The following IL21 variants were observed in gnomAD, a reference collection of about 807,000 sequenced individuals.
The protein encoded by IL21 is interleukin-21.
IL21 carries 3 observed loss-of-function variants against 18.4 expected under a neutral mutation model. The ratio of observed to expected loss-of-function variants is 0.16; its 90% confidence interval spans 0.07 to 0.42. IL21 has a LOEUF of 0.42. IL21 is among the 10% of genes least tolerant of loss of function. The pLI, the probability that IL21 is intolerant of heterozygous loss-of-function variation, is 0.99. For missense variants in IL21, 130 were observed against 188.4 expected (o/e 0.69, Z 1.81); for synonymous variants, 37 against 62.0 (o/e 0.60, Z 1.90).
intron 3 of IL21, among the ~76,000 whole-genome samples, chr4:122,613,900 C>T (rs1053871134): frequency 6.6e-6 from 1 of 152,106 alleles, no homozygotes; most frequent in Non-Finnish European, 1.5e-5. Context: ...TTTTAACTCG[C>T]ATTTATGTGA....
intron 3 of IL21, among the ~76,000 whole-genome samples, chr4:122,614,132 G>A (rs1414372147): frequency 6.6e-6 from 1 of 152,068 alleles, no homozygotes; most frequent in Non-Finnish European, 1.5e-5. Flanking sequence ...ACTATTTATG[G>A]AACTTGGGGC....
Position 122,612,787 on chromosome 4 carries a change from C to T in IL21, c.439-27G>A, listed in dbSNP as rs184476156. On this transcript the variant is annotated intron_variant, in intron 4 of 4. Coordinates refer to ENST00000648588, the MANE Select transcript of IL21 (RefSeq NM_021803.4). ...TGTGGAAATAGTATACCGTGAGTAA[C>T]TAAGAAGCAAATCTGGATAGGTAAA... The T allele has an allele frequency of 1.0e-4, 161 of 1,613,358 alleles. 1 individual carries two copies. The African/African-American group carries it at 1.8e-3, about 18-fold the overall frequency.
At chr4:122,612,783 G>A (rs1198179484) in intron 4 of IL21, 23 bp from the exon 5 acceptor site, 1 of 1,613,408 alleles carries the variant, frequency 6.2e-7, no homozygotes, top group South Asian at 1.1e-5. Context: ...TATACCGTGA[G>A]TAACTAAGAA....
intron 2 of IL21, chr4:122,619,927 T>C (rs1799399777): frequency 6.6e-6 from 1 of 152,216 alleles, no homozygotes; most frequent in Non-Finnish European, 1.5e-5. Context: ...TAAAGGTCTG[T>C]GACAATGAAA....
At chr4:122,620,809 T>C in intron 1 of IL21, 35 bp downstream of exon 1, 3 of 1,611,836 alleles carry the variant, frequency 1.9e-6, no homozygotes, top group Non-Finnish European at 2.5e-6. Context: ...TTGAAAAGTA[T>C]GATTTAGATT....
rs1444700743 is a variant in IL21 at position 122,615,731 on chromosome 4, T to C, written c.311A>G (p.Lys104Arg). The stretch of plus-strand genomic sequence containing the variant: ...TGCATTTGTGGAAGGTGGTTTCCTC[T>C]TCAGCTTTTTAATTGATACATTGAT... ...RIINVSIKKL[K>R]RKPPSTNAGR... Residue 104 changes from lysine to arginine, a missense_variant, in exon 3 of 5, where the codon AAG becomes AGG. Lys to Arg is a conservative substitution (Grantham distance 26). Transcript: ENST00000648588. The C allele has an allele frequency of 1.9e-6, 3 of 1,613,958 alleles. No individual in the cohort carries two copies. The highest frequency in any genetic ancestry group is 1.7e-5 in the Admixed American group (1 of 60,028).
chr4:122,619,270 C>T (rs1799388804), intron 2 of IL21: 1 of 152,104 alleles, frequency 6.6e-6, no homozygotes, highest in African/African-American at 2.4e-5. Flanking sequence ...GCTAATGTGA[C>T]CTTGAACGAT....
chr4:122,615,292 C>G (rs375465464), intron 3 of IL21, among the ~76,000 whole-genome samples: 1 of 152,154 alleles, frequency 6.6e-6, no homozygotes, highest in Non-Finnish European at 1.5e-5. Flanking sequence ...GAGGCCAAGG[C>G]GGGCGGATCA....
chr4:122,619,381 T>C (rs905564346), intron 2 of IL21: 1 of 152,294 alleles, frequency 6.6e-6, no homozygotes, highest in Non-Finnish European at 1.5e-5. Context: ...GATTATCAGA[T>C]AGATACAGTA....
chr4:122,615,545 C>T, intron 3 of IL21, 137 bp downstream of exon 3: 1 of 606,596 alleles, frequency 1.6e-6, no homozygotes. Context: ...AAAAAAAAAG[C>T]ACCATGTATA....
chr4:122,619,487 T>C (rs543877633), intron 2 of IL21: 6 of 152,368 alleles, frequency 3.9e-5, no homozygotes, highest in African/African-American at 1.4e-4. Context: ...CAACTCAGGT[T>C]AGAAGGTGGA....
intron 2 of IL21, chr4:122,619,548 T>G (rs1799394431): frequency 6.6e-6 from 1 of 152,238 alleles, no homozygotes; most frequent in African/African-American, 2.4e-5. Flanking sequence ...GCCAGGAAAC[T>G]CTGGAAAGAA....
chr4:122,615,873 CATT>C, intron 2 of IL21, 36 bp from the exon 3 acceptor site: 1 of 1,541,786 alleles, frequency 6.5e-7, no homozygotes, highest in South Asian at 1.2e-5. Flanking sequence ...TGTTAACAAA[CATT>C]ATTCAGAAAG....
At chr4:122,615,642 T>G (rs1446075375) in intron 3 of IL21, 40 bp downstream of exon 3, 2 of 1,575,646 alleles carry the variant, frequency 1.3e-6, no homozygotes, top group East Asian at 4.5e-5. Flanking sequence ...ATATATAGTT[T>G]ATAAGTACAA....
At position 122,612,895 on chromosome 4, in the gene IL21, G is replaced by A; in HGVS notation, c.394C>T (p.Pro132Ser). 1.2e-6 allele frequency: 2 copies of A among 1,611,036 alleles called. No individual in the cohort carries two copies. Among genetic ancestry groups the A allele is most frequent in the South Asian group, 2.2e-5 (2 of 90,826 alleles). The change falls in exon 4 of 5, where the codon CCA (proline) becomes TCA (serine). Residue 132 changes from proline to serine, a missense_variant. Coordinates refer to ENST00000648588, the MANE Select transcript of IL21 (RefSeq NM_021803.4). Reference protein sequence around the residue: ...CPSCDSYEKKPPKEFLERFKS... With the variant: ...CPSCDSYEKKSPKEFLERFKS... The stretch of plus-strand genomic sequence containing the variant: ...AATCTTTCTAGGAATTCTTTGGGTG[G>A]TTTTTTCTCATAAGAATCACATGAA...
chr4:122,615,582 A>T, intron 3 of IL21, 100 bp downstream of exon 3: 2 of 1,076,268 alleles, frequency 1.9e-6, no homozygotes, highest in Non-Finnish European at 2.7e-6. Context: ...GGTAAGGAAG[A>T]CACCAGCAGC....
At chr4:122,613,611 C>G (rs1799295101) in intron 3 of IL21, among the ~76,000 whole-genome samples, 1 of 152,132 alleles carries the variant, frequency 6.6e-6, no homozygotes, top group African/African-American at 2.4e-5. Flanking sequence ...CTCGGCCTCC[C>G]AAAGTGCTGG....
rs78360774 is a variant in IL21, at chr4:122,611,276, A to AT, written c.*1433dup. Among the ~76,000 whole-genome samples the AT allele has an allele frequency of 9.4e-3, 1,430 of 151,708 alleles. 6 individuals carry two copies. The highest frequency in any genetic ancestry group is 0.041 in the Middle Eastern group (12 of 292). ...CAGAGTACCTTGTTTCTGATGATAA[A>AT]TTTTTTTTTCTTTTTTCTGAGTCTA... is the stretch of plus-strand genomic sequence containing the variant. On this transcript the variant is annotated 3_prime_UTR_variant, in exon 5 of 5. Coordinates refer to ENST00000648588, the MANE Select transcript of IL21 (RefSeq NM_021803.4).
chr4:122,615,527 TAAAA>T (rs10530157), intron 3 of IL21, among the ~76,000 whole-genome samples, 151 bp downstream of exon 3: 46 of 143,260 alleles, frequency 3.2e-4, no homozygotes, highest in Middle Eastern at 3.6e-3. Flanking sequence ...GACTCTGTCT[TAAAA>T]AAAAAAAAAA....
Sources: allele counts gnomAD v4.1 joint callset (sites outside exome capture counted in the v4.1 genomes callset), GRCh38; gene constraint gnomAD v4.1.1; transcripts MANE v1.5; gene names NCBI Gene and HGNC (gene_info 2026-07-23, HGNC 2026-07-21).